ALOX5AP: variants seen among roughly 807,000 people sequenced by gnomAD.
ALOX5AP encodes arachidonate 5-lipoxygenase activating protein, also known as arachidonate 5-lipoxygenase-activating protein.
A neutral mutation model predicts 18.5 loss-of-function variants in ALOX5AP; 9 were observed. That is an observed-to-expected ratio of 0.49 (90% CI 0.29 to 0.85). The LOEUF (loss-of-function observed/expected upper bound fraction) is 0.85. Among genes scored for constraint, ALOX5AP ranks in the 40% least tolerant of loss-of-function variants. The pLI, the probability that ALOX5AP is intolerant of heterozygous loss-of-function variation, is 0.08. For synonymous variants in ALOX5AP, 81 were observed against 78.6 expected (o/e 1.03, Z -0.16); for missense variants, 172 against 202.5 (o/e 0.85, Z 0.91).
At chr13:30,749,553 C>T (rs1951835511) in intron 2 of ALOX5AP, among the ~76,000 whole-genome samples, 1 of 152,132 alleles carries the variant, frequency 6.6e-6, no homozygotes, top group East Asian at 1.9e-4. Context: ...ATGCCAGTGC[C>T]CAGTAGCTGC....
At chr13:30,759,508 C>T (rs966022568) in intron 4 of ALOX5AP, among the ~76,000 whole-genome samples, 8 of 152,302 alleles carry the variant, frequency 5.3e-5, no homozygotes, top group Non-Finnish European at 7.4e-5. Context: ...GTGAACATGA[C>T]GGAGTCTTTG....
At chr13:30,717,888 T>G (rs9579643) in intron 1 of ALOX5AP, among the ~76,000 whole-genome samples, 26,494 of 151,652 alleles carry the variant, frequency 0.17, 3,367 homozygotes, top group African/African-American at 0.35. Context: ...TGGGGTGGGG[T>G]CAAGATTAGA....
intron 1 of ALOX5AP, among the ~76,000 whole-genome samples, chr13:30,738,436 C>G (rs1045465646): frequency 6.6e-6 from 1 of 152,218 alleles, no homozygotes; most frequent in East Asian, 1.9e-4. Context: ...TTGGCCAATA[C>G]TATGACATTG....
chr13:30,720,614 T>C (rs750430281), intron 1 of ALOX5AP, among the ~76,000 whole-genome samples: 1 of 152,226 alleles, frequency 6.6e-6, no homozygotes, highest in Non-Finnish European at 1.5e-5. Context: ...ATGAAATCCA[T>C]TTAACACCAC....
At chr13:30,725,439 T>G (rs1277751885) in intron 1 of ALOX5AP, among the ~76,000 whole-genome samples, 2 of 152,248 alleles carry the variant, frequency 1.3e-5, no homozygotes, top group African/African-American at 4.8e-5. Context: ...ACATATATCA[T>G]GGCCATGGGG....
At chr13:30,718,795 A>C (rs1951570324) in intron 1 of ALOX5AP, among the ~76,000 whole-genome samples, 1 of 152,146 alleles carries the variant, frequency 6.6e-6, no homozygotes. Context: ...TTGACCTTTG[A>C]GGTCATGACA....
chr13:30,727,634 G>A (rs371572208), intron 1 of ALOX5AP, among the ~76,000 whole-genome samples: 1 of 152,138 alleles, frequency 6.6e-6, no homozygotes, highest in Non-Finnish European at 1.5e-5. Context: ...CCATCATCTG[G>A]TTGGCTTAGG....
Position 30,722,828 on chromosome 13 carries a change from C to T in ALOX5AP, c.116+8987C>T, listed in dbSNP as rs550540918. ...ACTGATTGTTAAAAGAGCTTGGATC[C>T]TTCCACCCCTCTCTCACTCTTGCTT... is the stretch of plus-strand genomic sequence containing the variant. On this transcript the variant is annotated intron_variant, in intron 1 of 5. Coordinates refer to the ALOX5AP transcript ENST00000617770. Among the ~76,000 whole-genome samples the T allele has an allele frequency of 3.9e-5, 6 of 152,284 alleles. No individual in the cohort carries two copies. The South Asian group carries it at 1.2e-3, about 32-fold the overall frequency.
At position 30,764,035 on chromosome 13, in the gene ALOX5AP, T is replaced by G; in HGVS notation, c.415T>G (p.Phe139Val). 3 of 1,614,214 alleles carry G rather than the reference T, an allele frequency of 1.9e-6. No homozygotes were observed. Among genetic ancestry groups the G allele is most frequent in the Non-Finnish European group, 2.5e-6 (3 of 1,180,036 alleles). Residue 139 changes from phenylalanine to valine, a missense_variant, in exon 5 of 5, where the codon TTC (phenylalanine) becomes GTC (valine). By Grantham distance (50) the Phe-to-Val change is conservative. Transcript: ENST00000380490. Reference sequence around the variant, plus strand: ...ATTCAACTATTACCTCATCTTCTTTTTCGGAAGTGACTTTGAAAACTACAT... The same window carrying G: ...ATTCAACTATTACCTCATCTTCTTTGTCGGAAGTGACTTTGAAAACTACAT... ...GIFNYYLIFF[F>V]GSDFENYIKT...
chr13:30,756,144 G>A, intron 4 of ALOX5AP, 119 bp downstream of exon 4: 1 of 923,438 alleles, frequency 1.1e-6, no homozygotes, highest in Non-Finnish European at 1.7e-6. Context: ...CCTTGGGTGG[G>A]AGGGGGAAGG....
intron 1 of ALOX5AP, among the ~76,000 whole-genome samples, chr13:30,719,276 G>A (rs1951574455): frequency 6.6e-6 from 1 of 152,212 alleles, no homozygotes; most frequent in East Asian, 1.9e-4. Flanking sequence ...ATAAAAGTTA[G>A]TAATTGTTGG....
chr13:30,758,617 T>C (rs1951916012), intron 4 of ALOX5AP, among the ~76,000 whole-genome samples: 2 of 152,204 alleles, frequency 1.3e-5, no homozygotes, highest in South Asian at 4.1e-4. Flanking sequence ...AGCTCCCTTT[T>C]TAATGCCCTC....
intron 1 of ALOX5AP, 148 bp from the exon 2 acceptor site, chr13:30,743,912 G>A (rs1250181312): frequency 6.2e-6 from 4 of 641,836 alleles, no homozygotes; most frequent in South Asian, 3.5e-5. Flanking sequence ...TGCTGAGTAC[G>A]TTTCTGCTAA....
intron 2 of ALOX5AP, among the ~76,000 whole-genome samples, chr13:30,749,178 T>G (rs140128520): frequency 6.6e-6 from 1 of 152,326 alleles, no homozygotes; most frequent in African/African-American, 2.4e-5. Context: ...CTTGAACTAA[T>G]AGTCAGGAAT....
intron 1 of ALOX5AP, among the ~76,000 whole-genome samples, chr13:30,726,125 C>T (rs1434530806): frequency 2.6e-5 from 4 of 152,154 alleles, no homozygotes; most frequent in African/African-American, 9.7e-5. Context: ...GAAATCTTAG[C>T]TCCTGTGGGG....
chr13:30,722,985 G>A (rs973685968), intron 1 of ALOX5AP, among the ~76,000 whole-genome samples: 4 of 152,182 alleles, frequency 2.6e-5, no homozygotes, highest in Admixed American at 1.3e-4. Context: ...GCAGAACCAT[G>A]AGCCAAATCA....
chr13:30,714,348 T>G (rs1368389505), intron 1 of ALOX5AP, among the ~76,000 whole-genome samples: 3 of 151,954 alleles, frequency 2.0e-5, no homozygotes, highest in African/African-American at 4.8e-5. Flanking sequence ...AAGCTGTATC[T>G]CTGTCCTCAC....
intron 1 of ALOX5AP, among the ~76,000 whole-genome samples, chr13:30,723,806 C>A (rs1268976008): frequency 6.6e-6 from 1 of 152,100 alleles, no homozygotes; most frequent in African/African-American, 2.4e-5. Context: ...TGCTATGTTG[C>A]CCAGGCTGGC....
Position 30,752,138 on chromosome 13 carries a change from C to T in ALOX5AP, c.241+16C>T. On this transcript the variant is annotated intron_variant, in intron 3 of 4. Transcript: ENST00000380490. ...TGCAGCCAAGGTAACTCAGACTTCCCTTTGTTCATTCTCCTTCTATAAAGT... is the reference window on the plus strand; with the variant it reads ...TGCAGCCAAGGTAACTCAGACTTCCTTTTGTTCATTCTCCTTCTATAAAGT... 1 of 1,612,316 alleles carries T rather than the reference C, an allele frequency of 6.2e-7. No homozygotes were observed. Among genetic ancestry groups the T allele is most frequent in the Non-Finnish European group, 8.5e-7 (1 of 1,178,342 alleles).
Sources: gnomAD v4.1 joint callset for allele counts (sites outside exome capture counted in the v4.1 genomes callset) on GRCh38, gnomAD v4.1.1 for gene constraint, MANE v1.5 for transcripts, NCBI Gene and HGNC (gene_info 2026-07-23, HGNC 2026-07-21) for gene names.